Variants in LHFPL3 observed in about 807,000 individuals in gnomAD.
LHFPL3 encodes LHFPL tetraspan subfamily member 3 protein.
Under a neutral mutation model 19.3 loss-of-function variants are expected in LHFPL3, and 5 were observed. The observed-to-expected ratio is 0.26, with a 90% CI of 0.14 to 0.54. The LOEUF (loss-of-function observed/expected upper bound fraction) is 0.54, where lower values mean the gene tolerates loss of function less well. Among genes scored for constraint, LHFPL3 ranks in the 20% least tolerant of loss-of-function variants. The probability of loss-of-function intolerance (pLI) is 0.94; values close to 1 mark genes in which losing one functional copy is unlikely to be tolerated. For synonymous variants in LHFPL3, 133 were observed against 126.2 expected, an observed-to-expected ratio of 1.05 and a Z score of -0.36; for missense variants, 249 against 307.4, an observed-to-expected ratio of 0.81 and a Z score of 1.42.
intron 2 of LHFPL3, among the ~76,000 whole-genome samples, chr7:104,840,763 T>C (rs1480942482): frequency 1.3e-5 from 2 of 152,112 alleles, no homozygotes; most frequent in African/African-American, 4.8e-5. Context: ...AATTAAACTA[T>C]AGAACCCAAA....
At chr7:104,584,400 T>A (rs989130363) in intron 1 of LHFPL3, among the ~76,000 whole-genome samples, 2 of 152,122 alleles carry the variant, frequency 1.3e-5, no homozygotes, top group Non-Finnish European at 2.9e-5. Flanking sequence ...ATGGCACATG[T>A]ATACATATGT....
intron 1 of LHFPL3, among the ~76,000 whole-genome samples, chr7:104,483,790 A>T (rs564506382): frequency 2.0e-5 from 3 of 151,874 alleles, no homozygotes; most frequent in Admixed American, 6.5e-5. Flanking sequence ...TATTTTTTTT[A>T]AATTCTTAAA....
chr7:104,329,216 T>C lies in LHFPL3; in HGVS notation c.437T>C (p.Leu146Pro). The C allele has an allele frequency of 6.2e-7, 1 of 1,604,946 alleles. No individual in the cohort carries two copies. Among genetic ancestry groups the C allele is most frequent in the Non-Finnish European group, 8.5e-7 (1 of 1,173,410 alleles). ...TACAAGATATGTGCCTGGATGCAGC[T>C]CACCTCCGGTGAGTGCGCGCTCACC... The part of the protein sequence containing the change: ...TVYKICAWMQ[L>P]TSAACLVLGC... Residue 146 changes from leucine (L) to proline (P), a missense_variant, in exon 1 of 3, where the codon CTC (leucine) becomes CCC (proline). Physicochemically the swap from Leu to Pro is moderately conservative, Grantham distance 98. Transcript: ENST00000424859.
Position 104,545,563 on chromosome 7 carries a change from G to C in LHFPL3, c.446-191112G>C, listed in dbSNP as rs889442948. Among the ~76,000 whole-genome samples the C allele has an allele frequency of 4.6e-5, 7 of 152,312 alleles. No individual in the cohort carries two copies. The South Asian group carries it at 1.0e-3, about 23-fold the overall frequency. ...AGAGGACAGTATGAAGAAGGGCTTT[G>C]ATCCCTATGGGCTTTCCTCCAGGTG... is the stretch of plus-strand genomic sequence containing the variant. On this transcript the variant is annotated intron_variant, in intron 1 of 2. Transcript: ENST00000424859.
chr7:104,557,802 A>G (rs1204597220), intron 1 of LHFPL3, among the ~76,000 whole-genome samples: 6 of 150,424 alleles, frequency 4.0e-5, no homozygotes, highest in South Asian at 2.1e-4. Context: ...AGCATTAGGT[A>G]TATCTCCCAA....
chr7:104,403,636 A>G (rs572043565), intron 1 of LHFPL3, among the ~76,000 whole-genome samples: 3 of 152,212 alleles, frequency 2.0e-5, no homozygotes, highest in Non-Finnish European at 4.4e-5. Context: ...CTTTGGAGGA[A>G]AAAGAAAGAT....
intron 2 of LHFPL3, among the ~76,000 whole-genome samples, chr7:104,899,046 C>T (rs1378530446): frequency 6.6e-6 from 1 of 151,946 alleles, no homozygotes; most frequent in Non-Finnish European, 1.5e-5. Flanking sequence ...AAGGCTGCAG[C>T]GAGCTGTGAT....
chr7:104,377,740 C>T (rs1312388276), intron 1 of LHFPL3, among the ~76,000 whole-genome samples: 4 of 152,182 alleles, frequency 2.6e-5, no homozygotes, highest in African/African-American at 7.2e-5. Context: ...CAAATCATCA[C>T]AGTATCTGCT....
chr7:104,742,319 T>A (rs1793950705), intron 2 of LHFPL3, among the ~76,000 whole-genome samples: 1 of 152,230 alleles, frequency 6.6e-6, no homozygotes, highest in South Asian at 2.1e-4. Flanking sequence ...ATTTTAAAGT[T>A]ACTTTGTCTT....
At chr7:104,663,466 A>G (rs4296966) in intron 1 of LHFPL3, among the ~76,000 whole-genome samples, 143,080 of 152,286 alleles carry the variant, frequency 0.94, 67,828 homozygotes, top group South Asian at 1. Context: ...AGGAGGAGCC[A>G]TGGTTCACTC....
At chr7:104,861,340 T>A (rs1791615648) in intron 2 of LHFPL3, among the ~76,000 whole-genome samples, 1 of 152,228 alleles carries the variant, frequency 6.6e-6, no homozygotes, top group African/African-American at 2.4e-5. Flanking sequence ...TAACTATTTT[T>A]TCTCATATAT....
At chr7:104,416,149 G>A (rs967031756) in intron 1 of LHFPL3, among the ~76,000 whole-genome samples, 22 of 152,144 alleles carry the variant, frequency 1.4e-4, no homozygotes, top group African/African-American at 4.8e-4. Flanking sequence ...AGTCAGGAGA[G>A]AGACACAAAG....
chr7:104,818,179 A>G (rs73714136), intron 2 of LHFPL3, among the ~76,000 whole-genome samples: 2,258 of 152,266 alleles, frequency 0.015, 48 homozygotes, highest in African/African-American at 0.05. Flanking sequence ...TAAATGCTTC[A>G]GAGAAATATG....
In LHFPL3 at chr7:104,855,179, G is replaced by A. The variant is rs1791480344; in HGVS notation, c.683-51008G>A. On this transcript the variant is annotated intron_variant, in intron 2 of 2. Transcript: ENST00000424859. Reference sequence around the variant, plus strand: ...TATGAGAACAGATTAGTGAGGAGGGGAGAGCGATACCGTGAGACACCGTGT... The same window carrying A: ...TATGAGAACAGATTAGTGAGGAGGGAAGAGCGATACCGTGAGACACCGTGT... Among the ~76,000 whole-genome samples the A allele has an allele frequency of 2.6e-5, 4 of 152,324 alleles. No homozygotes were observed. In the South Asian group the frequency reaches 8.3e-4, roughly 32 times the overall value.
intron 1 of LHFPL3, among the ~76,000 whole-genome samples, chr7:104,726,084 A>G (rs1362107558): frequency 7.4e-6 from 1 of 135,736 alleles, no homozygotes; most frequent in Non-Finnish European, 1.6e-5. Context: ...AAATTCTCCC[A>G]AGTACTTGTA....
intron 1 of LHFPL3, among the ~76,000 whole-genome samples, chr7:104,479,234 A>G (rs187042676): frequency 6.6e-6 from 1 of 152,292 alleles, no homozygotes; most frequent in East Asian, 1.9e-4. Context: ...CTAACATACA[A>G]ACACTAACAA....
intron 1 of LHFPL3, among the ~76,000 whole-genome samples, chr7:104,398,730 A>G (rs1470476854): frequency 6.6e-6 from 1 of 152,194 alleles, no homozygotes; most frequent in Non-Finnish European, 1.5e-5. Context: ...ATTATGGTTT[A>G]GCAGTTCTGA....
chr7:104,381,849 A>C lies in LHFPL3; in HGVS notation c.445+52625A>C, dbSNP rs1790835711. Among the ~76,000 whole-genome samples the C allele has an allele frequency of 2.0e-5, 3 of 152,232 alleles. No individual in the cohort carries two copies. In the South Asian group the frequency reaches 6.2e-4, roughly 31 times the overall value. On this transcript the variant is annotated intron_variant, in intron 1 of 2. Transcript: ENST00000424859. ...TCATTGATAGCTTGCTTTTGAGTGA[A>C]ATATCACTGCTTCCACTGAAACAGA...
At chr7:104,857,101 G>A (rs1183717064) in intron 2 of LHFPL3, among the ~76,000 whole-genome samples, 2 of 152,160 alleles carry the variant, frequency 1.3e-5, no homozygotes, top group Non-Finnish European at 2.9e-5. Context: ...CAGGCAGATT[G>A]TTCCCATTTC....
Sources: allele counts gnomAD v4.1 joint callset (sites outside exome capture counted in the v4.1 genomes callset), GRCh38; gene constraint gnomAD v4.1.1; transcripts MANE v1.5; gene names NCBI Gene and HGNC (gene_info 2026-07-23, HGNC 2026-07-21).